The following CSMD1 variants were observed in gnomAD, a reference collection of about 807,000 sequenced individuals.
CSMD1 encodes CUB and Sushi multiple domains 1.
Under a neutral mutation model 417.5 loss-of-function variants are expected in CSMD1, and 213 were observed. The ratio of observed to expected loss-of-function variants is 0.51; its 90% confidence interval spans 0.46 to 0.57. The LOEUF (loss-of-function observed/expected upper bound fraction) is 0.57, where lower values mean the gene tolerates loss of function less well. Among genes scored for constraint, CSMD1 ranks in the 20% least tolerant of loss-of-function variants. The probability of loss-of-function intolerance (pLI) is 0.00; values close to 1 mark genes in which losing one functional copy is unlikely to be tolerated. For missense variants in CSMD1, 6,923 were observed against 4,529.7 expected (o/e 1.53, Z -15.17); for synonymous variants, 2,862 against 1,736.8 (o/e 1.65, Z -16.11).
rs1797382995 is a variant in CSMD1, at chr8:3,752,335, T to C, written c.931+1595A>G. Among the ~76,000 whole-genome samples the C allele has an allele frequency of 6.6e-5, 10 of 152,248 alleles. No homozygotes were observed. In the South Asian group the frequency reaches 2.1e-3, roughly 32 times the overall value. ...GGCAACATCAGAAGGCAATCTAAGA[T>C]GGACAATGTTCCTGATGAAGTCTAA... is the stretch of plus-strand genomic sequence containing the variant. On this transcript the variant is annotated intron_variant, in intron 6 of 69. Coordinates refer to ENST00000635120, the MANE Select transcript of CSMD1 (RefSeq NM_033225.6).
At chr8:4,504,591 T>A (rs561772518) in intron 2 of CSMD1, among the ~76,000 whole-genome samples, 6 of 152,240 alleles carry the variant, frequency 3.9e-5, no homozygotes, top group African/African-American at 1.4e-4. Flanking sequence ...GTTTTAAGCC[T>A]CGCATGCATT....
chr8:3,310,757 G>T (rs1409613852), intron 23 of CSMD1, among the ~76,000 whole-genome samples: 7 of 151,442 alleles, frequency 4.6e-5, no homozygotes. Context: ...GAACAAAGCT[G>T]TGAATGGCAG....
chr8:4,341,841 G>C (rs1033409076), intron 3 of CSMD1, among the ~76,000 whole-genome samples: 14 of 151,994 alleles, frequency 9.2e-5, no homozygotes, highest in African/African-American at 2.9e-4. Context: ...AATAACAGAA[G>C]GATGCTTCAC....
chr8:3,842,324 C>G (rs574897553), intron 5 of CSMD1, among the ~76,000 whole-genome samples: 3 of 152,236 alleles, frequency 2.0e-5, no homozygotes, highest in South Asian at 4.2e-4. Context: ...TTGGTACACT[C>G]TGACTCAATT....
At chr8:4,173,548 AG>A (rs957995351) in intron 3 of CSMD1, among the ~76,000 whole-genome samples, 2 of 152,140 alleles carry the variant, frequency 1.3e-5, no homozygotes, top group African/African-American at 4.8e-5. Flanking sequence ...ACAAGAAAGG[AG>A]AAAGATAAAA....
At chr8:3,865,350 T>A (rs532448191) in intron 5 of CSMD1, among the ~76,000 whole-genome samples, 1 of 152,206 alleles carries the variant, frequency 6.6e-6, no homozygotes, top group Admixed American at 6.5e-5. Context: ...ATGCTCTTGC[T>A]GGTATGAAAC....
intron 1 of CSMD1, among the ~76,000 whole-genome samples, chr8:4,681,448 T>C (rs1193299249): frequency 6.6e-6 from 1 of 152,202 alleles, no homozygotes; most frequent in Non-Finnish European, 1.5e-5. Flanking sequence ...TTCCAGTCAC[T>C]GGACTTTGGT....
chr8:3,925,193 G>T (rs1467597555), intron 5 of CSMD1, among the ~76,000 whole-genome samples: 1 of 152,180 alleles, frequency 6.6e-6, no homozygotes, highest in Non-Finnish European at 1.5e-5. Flanking sequence ...AGAAATGTGT[G>T]TGTTTTCAAT....
At chr8:4,218,956 C>T (rs1385310367) in intron 3 of CSMD1, among the ~76,000 whole-genome samples, 1 of 152,062 alleles carries the variant, frequency 6.6e-6, no homozygotes, top group African/African-American at 2.4e-5. Context: ...CTATTTTTTC[C>T]AACGTATGTC....
chr8:4,530,173 A>G (rs1796730675), intron 2 of CSMD1, among the ~76,000 whole-genome samples: 1 of 151,906 alleles, frequency 6.6e-6, no homozygotes, highest in Admixed American at 6.6e-5. Context: ...TCAGCCTCCC[A>G]AAGTGCTAGG....
At chr8:4,426,521 G>A (rs1470956242) in intron 2 of CSMD1, among the ~76,000 whole-genome samples, 2 of 146,976 alleles carry the variant, frequency 1.4e-5, no homozygotes, top group Non-Finnish European at 3.0e-5. Context: ...TATAAAGACT[G>A]TAGTATTTTA....
chr8:4,541,747 A>G (rs1310034296), intron 2 of CSMD1, among the ~76,000 whole-genome samples: 1 of 152,102 alleles, frequency 6.6e-6, no homozygotes, highest in Admixed American at 6.5e-5. Flanking sequence ...TAAATAAATA[A>G]ATAAGATAAA....
At chr8:3,848,637 G>C (rs752534702) in intron 5 of CSMD1, among the ~76,000 whole-genome samples, 2 of 152,084 alleles carry the variant, frequency 1.3e-5, no homozygotes, top group Non-Finnish European at 2.9e-5. Flanking sequence ...AGAATAGATG[G>C]AATTTAATTT....
Position 3,769,448 on chromosome 8 carries a change from G to C in CSMD1, c.819-15406C>G, listed in dbSNP as rs892693378. 2.6e-5 allele frequency among the ~76,000 whole-genome samples: 4 copies of C among 151,436 alleles called. No individual in the cohort carries two copies. The East Asian group carries it at 5.8e-4, about 22-fold the overall frequency. The stretch of plus-strand genomic sequence containing the variant: ...CATCCAATTCCAGTGTAAAGTGACA[G>C]GCTGAACTCATTGTTTTTCTTCCAC... On this transcript the variant is annotated intron_variant, in intron 5 of 69. Transcript: ENST00000635120.
At chr8:3,436,891 T>G (rs890046194) in intron 12 of CSMD1, among the ~76,000 whole-genome samples, 5 of 152,166 alleles carry the variant, frequency 3.3e-5, no homozygotes, top group Non-Finnish European at 7.4e-5. Context: ...GTAATGCCAA[T>G]TATTATTTTC....
At chr8:3,108,461 A>G (rs1237029299) in intron 44 of CSMD1, 142 bp downstream of exon 44, 1 of 715,102 alleles carries the variant, frequency 1.4e-6, no homozygotes, top group East Asian at 2.7e-5. Flanking sequence ...ACCACAGGAA[A>G]CGCTGGCCTC....
intron 10 of CSMD1, among the ~76,000 whole-genome samples, chr8:3,526,843 T>C (rs1215136852): frequency 1.3e-5 from 2 of 152,208 alleles, no homozygotes; most frequent in Non-Finnish European, 2.9e-5. Flanking sequence ...TTTGCTTTCT[T>C]ATTTACCCAA....
At chr8:4,623,728 CAGATGTGTGTG>C (rs1801918433) in intron 2 of CSMD1, among the ~76,000 whole-genome samples, 7 of 151,764 alleles carry the variant, frequency 4.6e-5, no homozygotes, top group African/African-American at 1.5e-4. Context: ...TAGGCATATA[CAGATGTGTGTG>C]TGTATATATA....
Position 3,975,412 on chromosome 8 carries a change from G to C in CSMD1, c.818+22491C>G, listed in dbSNP as rs190464297. On this transcript the variant is annotated intron_variant, in intron 5 of 69. Transcript: ENST00000635120. ...ACAGTGAGCATTATTTTTAATACTAGATGATAACCATTTACAACCCTTAGA... is the reference window on the plus strand; with the variant it reads ...ACAGTGAGCATTATTTTTAATACTACATGATAACCATTTACAACCCTTAGA... Among the ~76,000 whole-genome samples, 9 of 152,132 alleles carry C rather than the reference G, an allele frequency of 5.9e-5. No individual in the cohort carries two copies. The East Asian group carries it at 1.5e-3, about 26-fold the overall frequency.
Sources: gnomAD v4.1 joint callset for allele counts (sites outside exome capture counted in the v4.1 genomes callset) on GRCh38, gnomAD v4.1.1 for gene constraint, MANE v1.5 for transcripts, NCBI Gene and HGNC (gene_info 2026-07-23, HGNC 2026-07-21) for gene names.